MNAT1: variants seen among roughly 807,000 people sequenced by gnomAD.
The protein encoded by MNAT1 is MNAT1 component of CDK activating kinase, also known as CDK-activating kinase assembly factor MAT1.
MNAT1 carries 43 observed loss-of-function variants against 42.0 expected under a neutral mutation model. The observed-to-expected ratio is 1.02, with a 90% CI of 0.80 to 1.32. The LOEUF (loss-of-function observed/expected upper bound fraction) is 1.32. Ranked by LOEUF, MNAT1 falls within the 40% of genes most tolerant of loss-of-function variation. The pLI, the probability that MNAT1 is intolerant of heterozygous loss-of-function variation, is 0.00. For synonymous variants in MNAT1, 118 were observed against 120.0 expected, an observed-to-expected ratio of 0.98 and a Z score of 0.11; for missense variants, 306 against 350.4, an observed-to-expected ratio of 0.87 and a Z score of 1.01.
chr14:60,881,062 A>G (rs1432608114), intron 7 of MNAT1, among the ~76,000 whole-genome samples: 1 of 152,216 alleles, frequency 6.6e-6, no homozygotes, highest in Non-Finnish European at 1.5e-5. Context: ...CGTGAAGTTC[A>G]CGTGTTTAAA....
intron 6 of MNAT1, among the ~76,000 whole-genome samples, chr14:60,850,450 T>TATGTAG (rs1227492433): frequency 6.6e-6 from 1 of 152,226 alleles, no homozygotes; most frequent in Non-Finnish European, 1.5e-5. Flanking sequence ...TGTAGCCTCC[T>TATGTAG]GTTACTATGT....
intron 7 of MNAT1, among the ~76,000 whole-genome samples, chr14:60,909,966 T>G (rs978435575): frequency 3.9e-5 from 6 of 152,200 alleles, no homozygotes; most frequent in African/African-American, 1.4e-4. Flanking sequence ...GCATGGAATG[T>G]TCTTCCATTT....
At chr14:60,822,338 T>TA (rs763996588) in intron 6 of MNAT1, among the ~76,000 whole-genome samples, 1 of 152,234 alleles carries the variant, frequency 6.6e-6, no homozygotes, top group Non-Finnish European at 1.5e-5. Flanking sequence ...ATGAACAAAA[T>TA]ACTCTGCAAT....
intron 1 of MNAT1, among the ~76,000 whole-genome samples, chr14:60,769,932 T>G (rs4151172): frequency 0.66 from 100,161 of 152,034 alleles, 33,379 homozygotes; most frequent in Admixed American, 0.72. Context: ...CCCAAAGCAC[T>G]GGGGTTATAG....
intron 7 of MNAT1, among the ~76,000 whole-genome samples, chr14:60,902,512 C>A (rs527585624): frequency 6.6e-6 from 1 of 152,128 alleles, no homozygotes; most frequent in South Asian, 2.1e-4. Flanking sequence ...CAACAAAGCA[C>A]TCCATAATTG....
chr14:60,894,388 C>T (rs2034908896), intron 7 of MNAT1, among the ~76,000 whole-genome samples: 1 of 151,374 alleles, frequency 6.6e-6, no homozygotes, highest in African/African-American at 2.4e-5. Context: ...TTTTAGTCTT[C>T]TATGGTGGTG....
chr14:60,753,635 C>G (rs772494872), intron 1 of MNAT1: 4 of 152,176 alleles, frequency 2.6e-5, no homozygotes, highest in African/African-American at 4.8e-5. Flanking sequence ...CTGCTGCATT[C>G]TGTTTGTTCA....
At chr14:60,917,546 G>C (rs1347910685) in intron 7 of MNAT1, among the ~76,000 whole-genome samples, 4 of 151,834 alleles carry the variant, frequency 2.6e-5, no homozygotes, top group African/African-American at 9.7e-5. Flanking sequence ...ATGAACATGG[G>C]ACATATGCAA....
At chr14:60,893,524 A>G (rs1331286614) in intron 7 of MNAT1, among the ~76,000 whole-genome samples, 1 of 152,200 alleles carries the variant, frequency 6.6e-6, no homozygotes, top group Non-Finnish European at 1.5e-5. Flanking sequence ...TCTGAGATAA[A>G]TAATATTTAT....
intron 7 of MNAT1, among the ~76,000 whole-genome samples, chr14:60,924,940 C>G (rs1174346201): frequency 6.6e-6 from 1 of 152,170 alleles, no homozygotes; most frequent in African/African-American, 2.4e-5. Context: ...ATTGTAGAAG[C>G]TATTTTGTTT....
At chr14:60,778,985 G>A (rs1418708260) in intron 1 of MNAT1, among the ~76,000 whole-genome samples, 2 of 152,172 alleles carry the variant, frequency 1.3e-5, no homozygotes, top group African/African-American at 2.4e-5. Context: ...TGTGGGCTTA[G>A]AGGTTCTTGT....
At chr14:60,741,244 A>G (rs1896451124) in intron 1 of MNAT1, among the ~76,000 whole-genome samples, 3 of 152,192 alleles carry the variant, frequency 2.0e-5, no homozygotes. Flanking sequence ...CCCATGTAAT[A>G]TCAGTGGCAC....
At chr14:60,799,727 C>A (rs932478950) in intron 3 of MNAT1, among the ~76,000 whole-genome samples, 1 of 151,586 alleles carries the variant, frequency 6.6e-6, no homozygotes, top group African/African-American at 2.4e-5. Flanking sequence ...CACACACACA[C>A]TGCATATATA....
intron 7 of MNAT1, among the ~76,000 whole-genome samples, chr14:60,894,918 G>A (rs1226507380): frequency 1.3e-5 from 2 of 152,150 alleles, no homozygotes; most frequent in African/African-American, 4.8e-5. Flanking sequence ...TTAGCCATCT[G>A]TGGCTAAATA....
intron 5 of MNAT1, among the ~76,000 whole-genome samples, chr14:60,813,638 T>G (rs569282663): frequency 6.6e-6 from 1 of 152,312 alleles, no homozygotes; most frequent in African/African-American, 2.4e-5. Flanking sequence ...GATGGCCATC[T>G]TTAGTCCACA....
chr14:60,790,537 G>A (rs1177956144), intron 1 of MNAT1, among the ~76,000 whole-genome samples: 1 of 152,072 alleles, frequency 6.6e-6, no homozygotes, highest in Non-Finnish European at 1.5e-5. Flanking sequence ...GGACCAAACC[G>A]ATGTACATCT....
chr14:60,969,902 T>G lies in MNAT1; in HGVS notation c.*1553T>G, dbSNP rs553553297. The G allele has an allele frequency of 1.9e-4, 29 of 152,240 alleles. No individual in the cohort carries two copies. The highest frequency in any genetic ancestry group is 2.6e-4 in the Non-Finnish European group (18 of 68,028). The allele number at this position is 152,240 out of a possible 1,614,324, so 9.4% of individuals were successfully genotyped here. On this transcript the variant is annotated 3_prime_UTR_variant, in exon 8 of 8. Transcript: ENST00000261245. ...TTTAAGGCTTGTTTTGAGCCTGCCT[T>G]ATTGTGGAAATTGCATGCACCTGGT...
At chr14:60,810,619 G>A (rs1008712687) in intron 4 of MNAT1, among the ~76,000 whole-genome samples, 3 of 151,958 alleles carry the variant, frequency 2.0e-5, no homozygotes, top group Non-Finnish European at 4.4e-5. Flanking sequence ...TGAGTGTATT[G>A]TTTAATTTTC....
chr14:60,866,935 A>G (rs752960330), intron 6 of MNAT1, among the ~76,000 whole-genome samples: 5 of 152,096 alleles, frequency 3.3e-5, no homozygotes, highest in Non-Finnish European at 7.4e-5. Context: ...GAGTTGAAAT[A>G]TTATTAAAGG....
Sources: allele counts gnomAD v4.1 joint callset (sites outside exome capture counted in the v4.1 genomes callset), GRCh38; gene constraint gnomAD v4.1.1; transcripts MANE v1.5; gene names NCBI Gene and HGNC (gene_info 2026-07-23, HGNC 2026-07-21).